The following LINGO2 variants were observed in gnomAD, a reference collection of about 807,000 sequenced individuals.
LINGO2 encodes the protein leucine-rich repeat and immunoglobulin-like domain-containing nogo receptor-interacting protein 2.
A neutral mutation model predicts 30.6 loss-of-function variants in LINGO2; 14 were observed. The observed-to-expected ratio is 0.46, with a 90% CI of 0.30 to 0.72. The LOEUF (loss-of-function observed/expected upper bound fraction) is 0.72. Ranked by LOEUF, LINGO2 falls within the 30% of genes least tolerant of loss-of-function variation. The pLI, the probability that LINGO2 is intolerant of heterozygous loss-of-function variation, is 0.07. For synonymous variants in LINGO2, 317 were observed against 288.5 expected (o/e 1.10, Z -1.00); for missense variants, 729 against 751.7 (o/e 0.97, Z 0.35).
intron 1 of LINGO2, among the ~76,000 whole-genome samples, chr9:28,505,341 C>A (rs1427383572): frequency 6.6e-6 from 1 of 151,824 alleles, no homozygotes; most frequent in African/African-American, 2.4e-5. Flanking sequence ...GCTGTGGTTT[C>A]ATCTCCTAAC....
chr9:28,465,711 T>C (rs1825274844), intron 2 of LINGO2, among the ~76,000 whole-genome samples: 1 of 152,192 alleles, frequency 6.6e-6, no homozygotes, highest in Admixed American at 6.5e-5. Flanking sequence ...AAACTACCCT[T>C]CTGAAAAGGG....
chr9:29,040,956 T>G, the LINGO2 span, among the ~76,000 whole-genome samples: 1 of 152,060 alleles, frequency 6.6e-6, no homozygotes, highest in Admixed American at 6.6e-5. Flanking sequence ...TTAACAATTT[T>G]GTGTCCTAAG....
the LINGO2 span, among the ~76,000 whole-genome samples, chr9:28,985,664 T>C: frequency 6.6e-6 from 1 of 152,108 alleles, no homozygotes; most frequent in Non-Finnish European, 1.5e-5. Context: ...ATGTCTTCCT[T>C]TGAGAAATTT....
chr9:28,348,505 C>G (rs184768620), intron 3 of LINGO2, among the ~76,000 whole-genome samples: 1 of 152,282 alleles, frequency 6.6e-6, no homozygotes, highest in Admixed American at 6.5e-5. Context: ...CCAATGCCCA[C>G]AGAGTCTCGC....
the LINGO2 span, among the ~76,000 whole-genome samples, chr9:29,049,952 T>C: frequency 1.3e-5 from 2 of 152,112 alleles, no homozygotes; most frequent in East Asian, 1.9e-4. Flanking sequence ...AAAAGTACAA[T>C]TGGATTGTTT....
intron 1 of LINGO2, among the ~76,000 whole-genome samples, chr9:28,535,546 T>G (rs1821400427): frequency 6.6e-6 from 1 of 152,162 alleles, no homozygotes; most frequent in African/African-American, 2.4e-5. Flanking sequence ...TTTTTAATTT[T>G]ATACACATAT....
chr9:28,580,228 A>T (rs919764141), intron 1 of LINGO2, among the ~76,000 whole-genome samples: 1 of 152,002 alleles, frequency 6.6e-6, no homozygotes, highest in Admixed American at 6.6e-5. Flanking sequence ...TCCTTCAAAC[A>T]TTAGGACAGC....
At chr9:28,845,675 A>T in the LINGO2 span, among the ~76,000 whole-genome samples, 2 of 151,782 alleles carry the variant, frequency 1.3e-5, no homozygotes, top group Non-Finnish European at 2.9e-5. Context: ...TAGTTTATAT[A>T]TATACAAGAG....
At chr9:29,119,552 G>A in the LINGO2 span, among the ~76,000 whole-genome samples, 1 of 143,236 alleles carries the variant, frequency 7.0e-6, no homozygotes, top group South Asian at 2.4e-4. Context: ...TTCCCTAATT[G>A]AATCATATTA....
the LINGO2 span, among the ~76,000 whole-genome samples, chr9:28,737,645 G>T: frequency 1.3e-4 from 1 of 7,786 alleles, no homozygotes; most frequent in African/African-American, 1.6e-4. Context: ...GCACTCTCTG[G>T]ACTTATGTCA....
At chr9:28,678,396 A>T in the LINGO2 span, among the ~76,000 whole-genome samples, 1 of 152,038 alleles carries the variant, frequency 6.6e-6, no homozygotes, top group Non-Finnish European at 1.5e-5. Context: ...CCCCTTCCAA[A>T]TGAATACTTC....
At chr9:29,086,250 A>C in the LINGO2 span, among the ~76,000 whole-genome samples, 1 of 152,190 alleles carries the variant, frequency 6.6e-6, no homozygotes, top group Non-Finnish European at 1.5e-5. Context: ...GTTAATTAAG[A>C]ATAATAATTT....
At chr9:28,321,342 TA>T (rs1825035027) in intron 3 of LINGO2, among the ~76,000 whole-genome samples, 1 of 152,070 alleles carries the variant, frequency 6.6e-6, no homozygotes, top group Non-Finnish European at 1.5e-5. Flanking sequence ...TATAACATGT[TA>T]GAGGCAGAGA....
At chr9:28,228,324 C>T (rs1821242063) in intron 4 of LINGO2, among the ~76,000 whole-genome samples, 1 of 151,954 alleles carries the variant, frequency 6.6e-6, no homozygotes, top group African/African-American at 2.4e-5. Context: ...ACATTTTACC[C>T]AGCTAACTTT....
At chr9:28,760,863 A>C in the LINGO2 span, among the ~76,000 whole-genome samples, 1 of 151,394 alleles carries the variant, frequency 6.6e-6, no homozygotes, top group South Asian at 2.1e-4. Context: ...GTAGTATTCC[A>C]TCATATATAT....
intron 1 of LINGO2, among the ~76,000 whole-genome samples, chr9:28,519,591 A>G (rs963915327): frequency 3.1e-4 from 47 of 152,214 alleles, no homozygotes; most frequent in Non-Finnish European, 5.6e-4. Flanking sequence ...TAAACCAGTG[A>G]TGCTGCAAAA....
chr9:28,049,851 A>C lies in LINGO2; in HGVS notation c.-86-37446T>G, dbSNP rs368886552. Among the ~76,000 whole-genome samples, 7 of 150,772 alleles carry C rather than the reference A, an allele frequency of 4.6e-5. No individual in the cohort carries two copies. In the East Asian group the frequency reaches 1.2e-3, roughly 26 times the overall value. ...CTAAAGCGGTTGGACTCCATTCCAT[A>C]AGTCACTGAAGCCTCTGAAGATTTT... On this transcript the variant is annotated intron_variant, in intron 4 of 5. Transcript: ENST00000379992.
intron 3 of LINGO2, among the ~76,000 whole-genome samples, chr9:28,353,393 C>G (rs1377186352): frequency 6.6e-6 from 1 of 150,506 alleles, no homozygotes; most frequent in East Asian, 1.9e-4. Flanking sequence ...CCAAAAAACA[C>G]ATGAAAAAAT....
At chr9:28,385,706 C>T (rs939592059) in intron 2 of LINGO2, among the ~76,000 whole-genome samples, 1 of 151,954 alleles carries the variant, frequency 6.6e-6, no homozygotes, top group Non-Finnish European at 1.5e-5. Context: ...CCATAAAAAC[C>T]AGGAAATGAT....
Sources: allele counts gnomAD v4.1 joint callset (sites outside exome capture counted in the v4.1 genomes callset), GRCh38; gene constraint gnomAD v4.1.1; transcripts MANE v1.5; gene names NCBI Gene and HGNC (gene_info 2026-07-23, HGNC 2026-07-21).